The following ATP2C2 variants were observed in gnomAD, a reference collection of about 807,000 sequenced individuals.
The protein encoded by ATP2C2 is calcium-transporting ATPase type 2C member 2.
Under a neutral mutation model 110.8 loss-of-function variants are expected in ATP2C2, and 171 were observed. That is an observed-to-expected ratio of 1.54 (90% CI 1.36 to 1.75). ATP2C2 has a LOEUF of 1.75. ATP2C2 is among the 40% of genes most tolerant of loss of function. ATP2C2 has a pLI of 0.00. For synonymous variants in ATP2C2, 804 were observed against 508.4 expected, an observed-to-expected ratio of 1.58 and a Z score of -7.82; for missense variants, 1,963 against 1,235.0, an observed-to-expected ratio of 1.59 and a Z score of -8.84.
chr16:84,449,511 G>C (rs1052899484), intron 17 of ATP2C2, among the ~76,000 whole-genome samples: 1 of 152,190 alleles, frequency 6.6e-6, no homozygotes, highest in African/African-American at 2.4e-5. Context: ...GAAGGCAGGA[G>C]AGCAGTGACT....
chr16:84,453,112 G>C (rs539502934), intron 18 of ATP2C2, 26 bp from the exon 19 acceptor site: 171 of 1,584,244 alleles, frequency 1.1e-4, no homozygotes, highest in Non-Finnish European at 1.4e-4. Flanking sequence ...CCTCAGAGCA[G>C]GCCCTCAGAA....
chr16:84,415,680 C>T (rs964558566), intron 7 of ATP2C2, 89 bp downstream of exon 7: 1 of 1,024,034 alleles, frequency 9.8e-7, no homozygotes, highest in Middle Eastern at 2.5e-4. Flanking sequence ...TGTATAGTCT[C>T]TCTCATACAC....
intron 1 of ATP2C2, among the ~76,000 whole-genome samples, chr16:84,388,097 C>T (rs776420390): frequency 3.3e-5 from 5 of 152,048 alleles, no homozygotes; most frequent in East Asian, 3.9e-4. Flanking sequence ...TTTGGGAGGC[C>T]GAGGTGGGTA....
At chr16:84,385,280 GACGAGATCTC>G (rs1272888340) in intron 1 of ATP2C2, among the ~76,000 whole-genome samples, 1 of 151,894 alleles carries the variant, frequency 6.6e-6, no homozygotes, top group East Asian at 1.9e-4. Context: ...GCTTTTAAAT[GACGAGATCTC>G]ACGAGAACTC....
intron 1 of ATP2C2, among the ~76,000 whole-genome samples, chr16:84,384,747 C>T (rs1330919723): frequency 6.6e-6 from 1 of 152,156 alleles, no homozygotes; most frequent in African/African-American, 2.4e-5. Flanking sequence ...CCTTCTCACA[C>T]TGCTATAAAG....
intron 1 of ATP2C2, among the ~76,000 whole-genome samples, chr16:84,372,465 G>T (rs1029063846): frequency 6.6e-6 from 1 of 152,012 alleles, no homozygotes; most frequent in East Asian, 1.9e-4. Flanking sequence ...ACAGTGTCTC[G>T]CCCTGTCACC....
At position 84,461,813 on chromosome 16, in the gene ATP2C2, G is replaced by A. The variant is rs1360307297; in HGVS notation, c.2580+1G>A. The A allele has an allele frequency of 5.0e-6, 8 of 1,613,740 alleles. No individual in the cohort carries two copies. The highest frequency in any genetic ancestry group is 1.7e-5 in the Admixed American group (1 of 60,024). On this transcript the variant is annotated splice_donor_variant, in intron 25 of 26. Transcript: ENST00000262429. LOFTEE classifies it high-confidence loss of function. Reference sequence around the variant, plus strand: ...CAACGCCTTGACCTGCCGCTCTCAGGTGAGACCCGGGCTGACCCTCCTCGC... The same window carrying A: ...CAACGCCTTGACCTGCCGCTCTCAGATGAGACCCGGGCTGACCCTCCTCGC...
At chr16:84,442,686 CAGGAGTG>C (rs2150570825) in intron 15 of ATP2C2, 87 bp downstream of exon 15, 2 of 1,309,344 alleles carry the variant, frequency 1.5e-6, no homozygotes, top group Non-Finnish European at 2.2e-6. Context: ...TCTGAGCTAA[CAGGAGTG>C]GGGACGTTAG....
At chr16:84,432,487 A>G (rs1908370703) in intron 11 of ATP2C2, among the ~76,000 whole-genome samples, 1 of 151,350 alleles carries the variant, frequency 6.6e-6, no homozygotes, top group Admixed American at 6.6e-5. Flanking sequence ...ATGTATTCTC[A>G]TTGTTCAACT....
Position 84,404,326 on chromosome 16 carries a change from A to T in ATP2C2, c.211-802A>T, listed in dbSNP as rs796563827. On this transcript the variant is annotated intron_variant, in intron 2 of 26. Transcript: ENST00000262429. ...ATCTTGTAAAACTGAATCTGTCTCCATTAAACACTCACTCCCCATTCCCTC... is the reference window on the plus strand; with the variant it reads ...ATCTTGTAAAACTGAATCTGTCTCCTTTAAACACTCACTCCCCATTCCCTC... The T allele has an allele frequency of 5.8e-5, 9 of 155,170 alleles. 1 individual carries two copies. Among genetic ancestry groups the T allele is most frequent in the African/African-American group, 2.2e-4 (9 of 41,586 alleles). The allele number at this position is 155,170 out of a possible 1,614,324, so 9.6% of individuals were successfully genotyped here.
chr16:84,417,349 G>A (rs1056593994), intron 7 of ATP2C2, among the ~76,000 whole-genome samples: 1 of 152,100 alleles, frequency 6.6e-6, no homozygotes, highest in African/African-American at 2.4e-5. Context: ...TCTGAGCTTC[G>A]ATCTCCTCAT....
chr16:84,431,566 T>C (rs1355721898), intron 11 of ATP2C2, among the ~76,000 whole-genome samples: 1 of 150,730 alleles, frequency 6.6e-6, no homozygotes, highest in Non-Finnish European at 1.5e-5. Flanking sequence ...GGGTAGAGAG[T>C]TGAGGAGTCA....
intron 2 of ATP2C2, chr16:84,404,661 G>A (rs1905589831): frequency 3.0e-6 from 1 of 328,306 alleles, no homozygotes; most frequent in Non-Finnish European, 5.9e-6. Context: ...GAACATGGTT[G>A]TACAAACATC....
chr16:84,425,630 G>A, intron 10 of ATP2C2, 105 bp from the exon 11 acceptor site: 2 of 1,268,026 alleles, frequency 1.6e-6, no homozygotes, highest in Non-Finnish European at 2.3e-6. Flanking sequence ...GCGTTCCTCT[G>A]TGCATGCATT....
chr16:84,455,068 A>AGG (rs1472668964), intron 21 of ATP2C2, 84 bp downstream of exon 21: 7 of 1,250,356 alleles, frequency 5.6e-6, no homozygotes, highest in Admixed American at 2.3e-5. Context: ...CTGTGGAGAT[A>AGG]GAGGGGGGGG....
rs78064046 is a variant in ATP2C2, at chr16:84,393,250, C to A, written c.100-5249C>A. 1.8e-3 allele frequency among the ~76,000 whole-genome samples: 274 copies of A among 152,234 alleles called. 5 individuals carry two copies. The highest frequency in any genetic ancestry group is 6.5e-4 in the Non-Finnish European group (44 of 68,014). On this transcript the variant is annotated intron_variant, in intron 1 of 26. Coordinates refer to ENST00000262429, the MANE Select transcript of ATP2C2 (RefSeq NM_014861.4). ...TGGAGCTGTGTGATTGGAATCAACC[C>A]GGGGCAGATTAGGCCCCCGGGCCCC...
At chr16:84,459,546 C>A (rs745908798) in intron 23 of ATP2C2, 160 bp downstream of exon 23, 1 of 1,539,818 alleles carries the variant, frequency 6.5e-7, no homozygotes, top group Non-Finnish European at 8.7e-7. Context: ...TGCAGTGAGA[C>A]TGGGAGTAGA....
intron 1 of ATP2C2, among the ~76,000 whole-genome samples, chr16:84,390,690 G>A (rs1193083683): frequency 6.6e-6 from 1 of 152,166 alleles, no homozygotes; most frequent in Non-Finnish European, 1.5e-5. Flanking sequence ...GAAAGTGTTT[G>A]GGGATGAGCT....
At chr16:84,430,291 G>A (rs1597821115) in intron 11 of ATP2C2, among the ~76,000 whole-genome samples, 1 of 152,184 alleles carries the variant, frequency 6.6e-6, no homozygotes. Context: ...GGGCTGGGAA[G>A]ACCCGTCTAC....
Sources: gnomAD v4.1 joint callset for allele counts (sites outside exome capture counted in the v4.1 genomes callset) on GRCh38, gnomAD v4.1.1 for gene constraint, MANE v1.5 for transcripts, NCBI Gene and HGNC (gene_info 2026-07-23, HGNC 2026-07-21) for gene names.